The following CSTPP1 variants were observed in gnomAD, a reference collection of about 807,000 sequenced individuals.
CSTPP1 encodes the protein UPF0705 protein C11orf49.
the CSTPP1 span, among the ~76,000 whole-genome samples, chr11:46,957,069 T>G: frequency 2.0e-5 from 3 of 152,114 alleles, no homozygotes; most frequent in African/African-American, 7.2e-5. Context: ...TTCGATGAAC[T>G]TGTGCCCCAG....
At chr11:46,963,778 CTG>C in the CSTPP1 span, among the ~76,000 whole-genome samples, 1 of 138,172 alleles carries the variant, frequency 7.2e-6, no homozygotes, top group Admixed American at 7.1e-5. Context: ...GAGTGAGACT[CTG>C]TATCAAAAAA....
chr11:46,941,979 A>C, the CSTPP1 span, among the ~76,000 whole-genome samples: 1 of 152,178 alleles, frequency 6.6e-6, no homozygotes, highest in Non-Finnish European at 1.5e-5. Context: ...TCTCCCTGCT[A>C]GCTAGGGATT....
At chr11:47,066,053 G>C in the CSTPP1 span, among the ~76,000 whole-genome samples, 7 of 143,328 alleles carry the variant, frequency 4.9e-5, no homozygotes, top group Non-Finnish European at 9.1e-5. Context: ...GTGAACAGAG[G>C]TTATTTTATT....
chr11:47,113,103 T>G, the CSTPP1 span, among the ~76,000 whole-genome samples: 85 of 152,328 alleles, frequency 5.6e-4, no homozygotes, highest in African/African-American at 1.9e-3. Context: ...TGGTTTTCTG[T>G]CCTTGTGACA....
the CSTPP1 span, among the ~76,000 whole-genome samples, chr11:47,117,142 T>C: frequency 5.3e-5 from 8 of 152,310 alleles, no homozygotes; most frequent in South Asian, 1.7e-3. Flanking sequence ...ACATTTAAGG[T>C]TAATATTTTT....
chr11:46,989,512 G>A, the CSTPP1 span, among the ~76,000 whole-genome samples: 1 of 152,092 alleles, frequency 6.6e-6, no homozygotes, highest in South Asian at 2.1e-4. Context: ...TGTTGACCAG[G>A]CTGGTTTTGA....
chr11:47,080,961 A>T, the CSTPP1 span, among the ~76,000 whole-genome samples: 3 of 151,474 alleles, frequency 2.0e-5, no homozygotes, highest in Non-Finnish European at 4.4e-5. Context: ...GTGAGCCAAG[A>T]TCAGACCACT....
the CSTPP1 span, among the ~76,000 whole-genome samples, chr11:47,158,421 T>C: frequency 1.3e-5 from 2 of 152,092 alleles, no homozygotes; most frequent in Non-Finnish European, 2.9e-5. Context: ...TTTTCCTGCC[T>C]GCTGTTTTTT....
chr11:47,072,011 G>A, the CSTPP1 span, among the ~76,000 whole-genome samples: 3 of 152,208 alleles, frequency 2.0e-5, no homozygotes, highest in African/African-American at 7.2e-5. Flanking sequence ...ACTCCACTAA[G>A]CCCATTTGCA....
the CSTPP1 span, among the ~76,000 whole-genome samples, chr11:47,073,553 G>A: frequency 2.0e-5 from 3 of 151,756 alleles, no homozygotes; most frequent in Admixed American, 6.6e-5. Context: ...TTAAAACTTA[G>A]AAAGAAAGAA....
the CSTPP1 span, among the ~76,000 whole-genome samples, chr11:47,154,156 C>T: frequency 1.3e-5 from 2 of 152,082 alleles, no homozygotes; most frequent in Non-Finnish European, 2.9e-5. Context: ...AGGCTGGTCT[C>T]GAACTCCTGA....
chr11:47,148,369 C>T, the CSTPP1 span, among the ~76,000 whole-genome samples: 3 of 151,914 alleles, frequency 2.0e-5, no homozygotes, highest in South Asian at 6.2e-4. Flanking sequence ...CCTCCAGCCA[C>T]CCCATGACTG....
the CSTPP1 span, among the ~76,000 whole-genome samples, chr11:47,069,759 A>G: frequency 2.0e-5 from 3 of 151,952 alleles, no homozygotes; most frequent in East Asian, 5.8e-4. Context: ...CCCAGGTTGG[A>G]GTGCAGTGGC....
At chr11:47,093,448 C>G in the CSTPP1 span, among the ~76,000 whole-genome samples, 433 of 152,268 alleles carry the variant, frequency 2.8e-3, 2 homozygotes, top group African/African-American at 9.9e-3. Context: ...CCTTGTGTGC[C>G]AGGCACTGTT....
chr11:47,146,514 C>T, the CSTPP1 span, among the ~76,000 whole-genome samples: 1 of 152,240 alleles, frequency 6.6e-6, no homozygotes, highest in South Asian at 2.1e-4. Flanking sequence ...CCCACACTCA[C>T]TAGTAATCAG....
At chr11:47,146,752 G>A in the CSTPP1 span, among the ~76,000 whole-genome samples, 2,495 of 152,210 alleles carry the variant, frequency 0.016, 23 homozygotes, top group Non-Finnish European at 0.022. Context: ...TGTAATGGCC[G>A]CCATTGGAAC....
At chr11:47,122,091 A>AAAATATATATATAT in the CSTPP1 span, among the ~76,000 whole-genome samples, 7 of 31,840 alleles carry the variant, frequency 2.2e-4, no homozygotes, top group African/African-American at 1.9e-4. Context: ...AAAAAAAAAA[A>AAAATATATATATAT]ATATATATAT....
chr11:46,942,156 C>T, the CSTPP1 span, among the ~76,000 whole-genome samples: 1 of 152,152 alleles, frequency 6.6e-6, no homozygotes, highest in Non-Finnish European at 1.5e-5. Flanking sequence ...TTCATGTCTG[C>T]AGTCATCAGA....
At chr11:47,095,763 C>A in the CSTPP1 span, among the ~76,000 whole-genome samples, 2 of 152,150 alleles carry the variant, frequency 1.3e-5, no homozygotes, top group Admixed American at 6.5e-5. Context: ...TATTGCAGAA[C>A]AGTTCCCAAG....
Sources: allele counts gnomAD v4.1 joint callset (sites outside exome capture counted in the v4.1 genomes callset), GRCh38; gene constraint gnomAD v4.1.1; transcripts MANE v1.5; gene names NCBI Gene and HGNC (gene_info 2026-07-23, HGNC 2026-07-21).